TLN2: variants seen among roughly 807,000 people sequenced by gnomAD.
TLN2 encodes the protein talin 2.
TLN2 carries 118 observed loss-of-function variants against 294.7 expected under a neutral mutation model. The observed-to-expected ratio is 0.40, with a 90% CI of 0.34 to 0.47. TLN2 has a LOEUF of 0.47. Among genes scored for constraint, TLN2 ranks in the 20% least tolerant of loss-of-function variants. The pLI, the probability that TLN2 is intolerant of heterozygous loss-of-function variation, is 0.84. For synonymous variants in TLN2, 1,431 were observed against 1,304.5 expected (o/e 1.10, Z -2.09); for missense variants, 3,083 against 3,282.2 (o/e 0.94, Z 1.48).
At chr15:62,419,634 G>A (rs1370299432) in intron 1 of TLN2, among the ~76,000 whole-genome samples, 1 of 134,208 alleles carries the variant, frequency 7.5e-6, no homozygotes, top group Non-Finnish European at 1.6e-5. Context: ...AGAAGCAGAG[G>A]TCTTTTTTTT....
chr15:62,709,103 A>G (rs1010361790), intron 21 of TLN2, among the ~76,000 whole-genome samples: 1 of 152,244 alleles, frequency 6.6e-6, no homozygotes, highest in African/African-American at 2.4e-5. Flanking sequence ...AAGTTGGAGC[A>G]GCCACAGAAG....
intron 35 of TLN2, among the ~76,000 whole-genome samples, chr15:62,752,716 T>A (rs926684035): frequency 6.6e-6 from 1 of 152,076 alleles, no homozygotes; most frequent in Non-Finnish European, 1.5e-5. Context: ...TATAGATGAG[T>A]TGTTTGGGGT....
intron 52 of TLN2, among the ~76,000 whole-genome samples, chr15:62,816,943 CATG>C (rs1213643151): frequency 2.0e-5 from 3 of 152,182 alleles, no homozygotes; most frequent in Non-Finnish European, 4.4e-5. Flanking sequence ...ACTATGGCCA[CATG>C]AGTCACCCAG....
intron 1 of TLN2, among the ~76,000 whole-genome samples, chr15:62,484,747 G>A (rs1032990352): frequency 6.6e-6 from 1 of 152,158 alleles, no homozygotes; most frequent in East Asian, 1.9e-4. Flanking sequence ...TTCTGCTGGT[G>A]CCTCAAGGGC....
chr15:62,485,030 A>G (rs936183875), intron 1 of TLN2, among the ~76,000 whole-genome samples: 3 of 152,152 alleles, frequency 2.0e-5, no homozygotes, highest in South Asian at 2.1e-4. Flanking sequence ...GGCAGCCTGC[A>G]TCACTCAGCT....
At chr15:62,685,210 T>A (rs1203093024) in intron 11 of TLN2, among the ~76,000 whole-genome samples, 2 of 152,210 alleles carry the variant, frequency 1.3e-5, no homozygotes, top group Non-Finnish European at 2.9e-5. Context: ...TTCTGTTTTT[T>A]AATAATATAT....
At chr15:62,454,356 G>C (rs763035821) in intron 1 of TLN2, among the ~76,000 whole-genome samples, 4 of 152,062 alleles carry the variant, frequency 2.6e-5, no homozygotes, top group Non-Finnish European at 5.9e-5. Context: ...ACACACCAGG[G>C]AGGCCAGGCC....
chr15:62,485,357 G>C (rs1296397737), intron 1 of TLN2, among the ~76,000 whole-genome samples: 1 of 152,222 alleles, frequency 6.6e-6, no homozygotes, highest in African/African-American at 2.4e-5. Flanking sequence ...GGCCGAAGCA[G>C]GTCCAAGGGT....
chr15:62,828,178 G>A (rs1203897677), intron 54 of TLN2: 1 of 152,356 alleles, frequency 6.6e-6, no homozygotes, highest in Non-Finnish European at 1.5e-5. Flanking sequence ...ACTTTTTAAA[G>A]GGTGAGCAAG....
At chr15:62,707,564 G>A (rs560911366) in intron 20 of TLN2, among the ~76,000 whole-genome samples, 14 of 152,240 alleles carry the variant, frequency 9.2e-5, no homozygotes, top group Middle Eastern at 3.4e-3. Flanking sequence ...CTTGCAATGC[G>A]TGGTACAGCA....
chr15:62,761,931 T>A (rs2062702638), intron 38 of TLN2, 110 bp downstream of exon 38: 2 of 1,413,918 alleles, frequency 1.4e-6, no homozygotes, highest in South Asian at 2.5e-5. Flanking sequence ...ACATGTAGGC[T>A]ACTGTTACTC....
At chr15:62,455,118 T>A (rs2036391224) in intron 1 of TLN2, among the ~76,000 whole-genome samples, 1 of 152,160 alleles carries the variant, frequency 6.6e-6, no homozygotes, top group Admixed American at 6.5e-5. Context: ...GGAACCATTG[T>A]ATTCAATGGA....
chr15:62,756,793 CA>C, intron 37 of TLN2, among the ~76,000 whole-genome samples: 1 of 151,926 alleles, frequency 6.6e-6, no homozygotes, highest in South Asian at 2.1e-4. Context: ...CAAGCAGAGG[CA>C]AAAGGAGAGA....
rs757144126 is a variant in TLN2 at position 62,792,657 on chromosome 15, G to A, written c.5753G>A (p.Arg1918His). Residue 1918 changes from arginine to histidine, a missense_variant, in exon 46 of 59, where the codon CGC becomes CAC. Arg to His is a conservative substitution (Grantham distance 29, BLOSUM62 0). Coordinates refer to ENST00000636159, the MANE Select transcript of TLN2 (RefSeq NM_015059.3). ...AEPEEIGFQI[R>H]TRVQDLGHGC... Reference sequence around the variant, plus strand: ...CCTCTGCAGATCGGATTCCAGATTCGCACTCGTGTGCAGGACCTGGGCCAC... The same window carrying A: ...CCTCTGCAGATCGGATTCCAGATTCACACTCGTGTGCAGGACCTGGGCCAC... The A allele has an allele frequency of 1.9e-5, 30 of 1,613,326 alleles. No homozygotes were observed. In the South Asian group the frequency reaches 2.1e-4, roughly 11 times the overall value.
intron 1 of TLN2, among the ~76,000 whole-genome samples, chr15:62,442,700 C>G (rs942411728): frequency 6.6e-6 from 1 of 151,768 alleles, no homozygotes; most frequent in South Asian, 2.1e-4. Context: ...ATTTTAATAC[C>G]CAACCTTCAA....
chr15:62,587,972 C>G (rs1012260008), intron 1 of TLN2, among the ~76,000 whole-genome samples: 9 of 152,074 alleles, frequency 5.9e-5, no homozygotes, highest in South Asian at 2.1e-4. Flanking sequence ...GCTCCGCCTC[C>G]CGGGTTCACA....
chr15:62,740,681 G>A lies in TLN2; in HGVS notation c.3937G>A (p.Ala1313Thr). The change falls in exon 32 of 59, where the codon GCA becomes ACA. Residue 1313 changes from alanine to threonine, a missense_variant. Ala to Thr is a moderately conservative substitution (Grantham distance 58, BLOSUM62 0). Coordinates refer to ENST00000636159, the MANE Select transcript of TLN2 (RefSeq NM_015059.3). ...AGGGAACCTCAAGAATATCTCGATG[G>A]CATCCAGCAAGCTGCTGTTAGCTGC... is the stretch of plus-strand genomic sequence containing the variant. Reference protein sequence around the residue: ...VIGNLKNISMASSKLLLAAKS... With the variant: ...VIGNLKNISMTSSKLLLAAKS... 1 of 1,614,188 alleles carries A rather than the reference G, an allele frequency of 6.2e-7. No homozygotes were observed. The highest frequency in any genetic ancestry group is 1.1e-5 in the South Asian group (1 of 91,072).
intron 2 of TLN2, among the ~76,000 whole-genome samples, chr15:62,603,002 C>T (rs1159259644): frequency 2.6e-5 from 4 of 151,982 alleles, no homozygotes; most frequent in African/African-American, 9.7e-5. Flanking sequence ...ATGCCATTCT[C>T]CTGCCTCAGC....
chr15:62,739,465 T>C lies in TLN2; in HGVS notation c.3805T>C (p.Leu1269=), dbSNP rs947577043. ...TGCCACCCGGGGCCAGAGTGGAGAG[T>C]TGGCTGCAGCCTCTGGAAAGTTCAG... ...VHATRGQSGE[L]AAASGKFSDD... is the part of the protein sequence containing the mutation. Residue 1269 remains leucine (L), a synonymous_variant, in exon 31 of 59, where the codon TTG becomes CTG. Transcript: ENST00000636159. 2 of 1,613,966 alleles carry C rather than the reference T, an allele frequency of 1.2e-6. No individual in the cohort carries two copies. Among genetic ancestry groups the C allele is most frequent in the Non-Finnish European group, 1.7e-6 (2 of 1,180,002 alleles).
Sources: allele counts gnomAD v4.1 joint callset (sites outside exome capture counted in the v4.1 genomes callset), GRCh38; gene constraint gnomAD v4.1.1; transcripts MANE v1.5; gene names NCBI Gene and HGNC (gene_info 2026-07-23, HGNC 2026-07-21).